Variants in RORA observed in about 807,000 individuals in gnomAD.
RORA encodes nuclear receptor ROR-alpha.
In RORA, 7 loss-of-function variants were observed where a neutral mutation model predicts 69.5. That is an observed-to-expected ratio of 0.10 (90% CI 0.06 to 0.19). The LOEUF (loss-of-function observed/expected upper bound fraction) is 0.19, where lower values mean the gene tolerates loss of function less well. Ranked by LOEUF, RORA falls within the 10% of genes least tolerant of loss-of-function variation. The probability of loss-of-function intolerance (pLI) is 1.00; values close to 1 mark genes in which losing one functional copy is unlikely to be tolerated. For missense variants in RORA, 457 were observed against 663.0 expected (o/e 0.69, Z 3.41); for synonymous variants, 261 against 240.8 (o/e 1.08, Z -0.78).
chr15:60,926,976 T>C (rs887125735), intron 1 of RORA, among the ~76,000 whole-genome samples: 2 of 152,356 alleles, frequency 1.3e-5, no homozygotes, highest in East Asian at 3.9e-4. Flanking sequence ...GTGCTTCCTA[T>C]TTTTCTTTAC....
At chr15:60,977,998 A>AC (rs1353943682) in intron 1 of RORA, among the ~76,000 whole-genome samples, 5 of 152,216 alleles carry the variant, frequency 3.3e-5, no homozygotes, top group Non-Finnish European at 7.3e-5. Flanking sequence ...GCTGGGTCAA[A>AC]TGGTAACTCT....
chr15:60,872,292 T>C (rs569799295), intron 1 of RORA, among the ~76,000 whole-genome samples: 2 of 152,292 alleles, frequency 1.3e-5, no homozygotes, highest in South Asian at 2.1e-4. Flanking sequence ...AAAGATGCTC[T>C]GGAGAATGCA....
rs902046281 is a variant in RORA, at chr15:61,130,538, A to G, written c.166+98515T>C. On this transcript the variant is annotated intron_variant, in intron 1 of 10. Transcript: ENST00000335670. ...TGCTTAGAATTCAGAATTTATAGATATGAGTTCAAACTGTGTTTCGCCATT... is the reference window on the plus strand; with the variant it reads ...TGCTTAGAATTCAGAATTTATAGATGTGAGTTCAAACTGTGTTTCGCCATT... Among the ~76,000 whole-genome samples the G allele has an allele frequency of 2.0e-5, 3 of 151,892 alleles. 1 individual carries two copies. Among genetic ancestry groups the G allele is most frequent in the African/African-American group, 7.3e-5 (3 of 41,134 alleles).
intron 9 of RORA, 90 bp from the exon 10 acceptor site, chr15:60,500,094 A>G (rs2065284649): frequency 8.0e-6 from 6 of 752,882 alleles, no homozygotes; most frequent in Middle Eastern, 2.7e-4. Context: ...GGATAATTAT[A>G]TCACAATGAA....
intron 1 of RORA, among the ~76,000 whole-genome samples, chr15:61,074,483 C>G (rs370377263): frequency 4.9e-4 from 74 of 152,300 alleles, no homozygotes; most frequent in African/African-American, 1.6e-3. Flanking sequence ...AGAAAGAAAC[C>G]ATTTCTTCTT....
At chr15:60,697,959 A>G (rs1399288512) in intron 1 of RORA, among the ~76,000 whole-genome samples, 1 of 152,160 alleles carries the variant, frequency 6.6e-6, no homozygotes, top group East Asian at 1.9e-4. Flanking sequence ...TCCTGTGGGT[A>G]TCCCACACAT....
At chr15:60,747,911 T>G (rs2071670473) in intron 1 of RORA, among the ~76,000 whole-genome samples, 2 of 152,198 alleles carry the variant, frequency 1.3e-5, no homozygotes, top group South Asian at 4.1e-4. Context: ...GGCCTTTTGT[T>G]TTATAATTAA....
intron 1 of RORA, among the ~76,000 whole-genome samples, chr15:60,718,072 G>T (rs2071243661): frequency 6.6e-6 from 1 of 152,080 alleles, no homozygotes; most frequent in African/African-American, 2.4e-5. Context: ...GGGATTACAG[G>T]CACATTGCAT....
At chr15:60,608,483 C>T (rs1411275614) in intron 2 of RORA, among the ~76,000 whole-genome samples, 1 of 152,088 alleles carries the variant, frequency 6.6e-6, no homozygotes, top group Non-Finnish European at 1.5e-5. Flanking sequence ...CAGATCACAC[C>T]GCTGATGGTA....
At chr15:60,896,502 G>C (rs1162381273) in intron 1 of RORA, among the ~76,000 whole-genome samples, 1 of 152,170 alleles carries the variant, frequency 6.6e-6, no homozygotes, top group African/African-American at 2.4e-5. Context: ...TTACAGGCCT[G>C]GTTTTAGGCA....
At chr15:60,753,531 A>AC (rs2071757120) in intron 1 of RORA, among the ~76,000 whole-genome samples, 2 of 152,208 alleles carry the variant, frequency 1.3e-5, no homozygotes, top group African/African-American at 4.8e-5. Context: ...ATCCCTTATC[A>AC]CATGTGAATT....
chr15:61,227,720 G>T (rs1343052521), intron 1 of RORA, among the ~76,000 whole-genome samples: 1 of 152,206 alleles, frequency 6.6e-6, no homozygotes, highest in Non-Finnish European at 1.5e-5. Context: ...GAAGCCGAGT[G>T]CAAGAGGAGG....
intron 2 of RORA, among the ~76,000 whole-genome samples, chr15:60,618,726 T>C (rs1244455999): frequency 6.6e-6 from 1 of 152,242 alleles, no homozygotes; most frequent in Non-Finnish European, 1.5e-5. Context: ...GTTTTACCTC[T>C]TAAAGATAAT....
rs547161042 is a variant in RORA, at chr15:61,108,792, A to C, written c.166+120261T>G. 2.0e-4 allele frequency among the ~76,000 whole-genome samples: 30 copies of C among 152,308 alleles called. No individual in the cohort carries two copies. In the South Asian group the frequency reaches 6.2e-3, roughly 32 times the overall value. On this transcript the variant is annotated intron_variant, in intron 1 of 10. Coordinates refer to ENST00000335670, the MANE Select transcript of RORA (RefSeq NM_134261.3). Reference sequence around the variant, plus strand: ...GAACGATAATCACCTTTTATGATCTAATTTGCCATCACCATCTACAAACCC... The same window carrying C: ...GAACGATAATCACCTTTTATGATCTCATTTGCCATCACCATCTACAAACCC...
chr15:60,937,196 A>G (rs181075657), intron 1 of RORA, among the ~76,000 whole-genome samples: 4 of 152,230 alleles, frequency 2.6e-5, no homozygotes, highest in Non-Finnish European at 5.9e-5. Flanking sequence ...TGACACCAAA[A>G]CTCAACCTGC....
At chr15:60,912,770 C>CA (rs374527294) in intron 1 of RORA, among the ~76,000 whole-genome samples, 48 of 58,574 alleles carry the variant, frequency 8.2e-4, no homozygotes, top group Non-Finnish European at 1.7e-3. Context: ...AACAAACAAA[C>CA]AAACAAAACA....
In RORA at chr15:60,801,270, C is replaced by T. The variant is rs369526044; in HGVS notation, c.167-122584G>A. Among the ~76,000 whole-genome samples the T allele has an allele frequency of 1.1e-4, 16 of 152,312 alleles. No homozygotes were observed. The East Asian group carries it at 1.9e-3, about 18-fold the overall frequency. On this transcript the variant is annotated intron_variant, in intron 1 of 10. Coordinates refer to ENST00000335670, the MANE Select transcript of RORA (RefSeq NM_134261.3). ...ACATTCTCTAAGTAGTGGCCTCCCC[C>T]TCCCCCCTCCTTCGACAGCTTTATC... is the stretch of plus-strand genomic sequence containing the variant.
At chr15:61,105,796 G>C (rs1210832594) in intron 1 of RORA, among the ~76,000 whole-genome samples, 1 of 152,178 alleles carries the variant, frequency 6.6e-6, no homozygotes, top group African/African-American at 2.4e-5. Context: ...AAGAACAAAA[G>C]TGATATCTAC....
Position 60,747,550 on chromosome 15 carries a change from C to T in RORA, c.167-68864G>A, listed in dbSNP as rs143846123. Among the ~76,000 whole-genome samples, 480 of 152,278 alleles carry T rather than the reference C, an allele frequency of 3.2e-3. 2 individuals are homozygous for T. The highest frequency in any genetic ancestry group is 7.8e-3 in the Admixed American group (120 of 15,302). On this transcript the variant is annotated intron_variant, in intron 1 of 10. Transcript: ENST00000335670. The stretch of plus-strand genomic sequence containing the variant: ...AATTCTAACATGCTCCAATCACCTG[C>T]CAGAGACACTTTATAAACTTACTAC...
Sources: allele counts gnomAD v4.1 joint callset (sites outside exome capture counted in the v4.1 genomes callset), GRCh38; gene constraint gnomAD v4.1.1; transcripts MANE v1.5; gene names NCBI Gene and HGNC (gene_info 2026-07-23, HGNC 2026-07-21).